TUSC3: variants seen among roughly 807,000 people sequenced by gnomAD.
The protein encoded by TUSC3 is dolichyl-diphosphooligosaccharide--protein glycosyltransferase subunit TUSC3.
TUSC3 carries 45 observed loss-of-function variants against 44.8 expected under a neutral mutation model. That is an observed-to-expected ratio of 1.00 (90% CI 0.79 to 1.29). The LOEUF is 1.29. TUSC3 is among the 50% of genes most tolerant of loss of function. The probability of loss-of-function intolerance (pLI) is 0.00; values close to 1 mark genes in which losing one functional copy is unlikely to be tolerated. For missense variants in TUSC3, 519 were observed against 437.9 expected (o/e 1.19, Z -1.65); for synonymous variants, 212 against 152.9 (o/e 1.39, Z -2.85).
intron 2 of TUSC3, among the ~76,000 whole-genome samples, chr8:15,505,322 T>C (rs1316024592): frequency 1.3e-5 from 2 of 152,254 alleles, no homozygotes; most frequent in African/African-American, 4.8e-5. Context: ...AATGCTGTTC[T>C]GATGGCCAGA....
At chr8:15,613,142 A>G (rs536449050) in intron 1 of TUSC3, among the ~76,000 whole-genome samples, 1 of 149,666 alleles carries the variant, frequency 6.7e-6, no homozygotes, top group East Asian at 2.0e-4. Context: ...TTAGTGCTAG[A>G]GTTTATTTGC....
intron 1 of TUSC3, among the ~76,000 whole-genome samples, chr8:15,557,750 T>G (rs1802318584): frequency 7.2e-6 from 1 of 139,286 alleles, no homozygotes; most frequent in Non-Finnish European, 1.6e-5. Context: ...CTAGATATTT[T>G]CTTCTCTTTG....
chr8:15,717,480 G>T (rs1810101007), intron 6 of TUSC3, among the ~76,000 whole-genome samples: 1 of 152,042 alleles, frequency 6.6e-6, no homozygotes, highest in African/African-American at 2.4e-5. Flanking sequence ...TCTATCTCCA[G>T]ACTCCTTCCC....
At chr8:15,710,214 C>G (rs1809787213) in intron 6 of TUSC3, among the ~76,000 whole-genome samples, 1 of 151,830 alleles carries the variant, frequency 6.6e-6, no homozygotes, top group African/African-American at 2.4e-5. Flanking sequence ...GTCTGTTTCT[C>G]CACCCTTCCT....
At chr8:15,823,806 C>G in the TUSC3 span, among the ~76,000 whole-genome samples, 1 of 91,900 alleles carries the variant, frequency 1.1e-5, no homozygotes, top group Non-Finnish European at 3.1e-5. Context: ...AGTGAGTTAA[C>G]GATAACACCT....
chr8:15,753,128 T>TAATG (rs1327821117), intron 9 of TUSC3, among the ~76,000 whole-genome samples: 1 of 152,082 alleles, frequency 6.6e-6, no homozygotes, highest in Admixed American at 6.6e-5. Flanking sequence ...TCTAATCCTA[T>TAATG]AATGTTCTCT....
intron 6 of TUSC3, among the ~76,000 whole-genome samples, chr8:15,712,995 C>T (rs574543222): frequency 6.6e-6 from 1 of 152,164 alleles, no homozygotes; most frequent in East Asian, 1.9e-4. Context: ...GTTGGATGTC[C>T]ACAGCATTTA....
At chr8:15,726,479 TTTTTA>T (rs1810501650) in intron 6 of TUSC3, among the ~76,000 whole-genome samples, 1 of 152,184 alleles carries the variant, frequency 6.6e-6, no homozygotes, top group Non-Finnish European at 1.5e-5. Context: ...ATTGAATCAC[TTTTTA>T]TTTTATGTTG....
intron 2 of TUSC3, among the ~76,000 whole-genome samples, chr8:15,530,499 TAAAG>T (rs1017491458): frequency 1.6e-4 from 25 of 152,146 alleles, no homozygotes; most frequent in African/African-American, 5.8e-4. Flanking sequence ...ATTTTACAAA[TAAAG>T]AAACTGAGCA....
chr8:15,833,427 T>A, the TUSC3 span, among the ~76,000 whole-genome samples: 1 of 152,186 alleles, frequency 6.6e-6, no homozygotes, highest in Non-Finnish European at 1.5e-5. Context: ...ATTCCAGCAC[T>A]ATTCACATTA....
chr8:15,555,276 A>T (rs1181689951), intron 1 of TUSC3, among the ~76,000 whole-genome samples: 2 of 44,894 alleles, frequency 4.5e-5, no homozygotes, highest in Admixed American at 3.0e-4. Flanking sequence ...TGCCAGGCTA[A>T]TTTTTTTTTT....
At chr8:15,653,255 A>G (rs1373026596) in intron 3 of TUSC3, among the ~76,000 whole-genome samples, 2 of 152,190 alleles carry the variant, frequency 1.3e-5, no homozygotes, top group Admixed American at 6.5e-5. Flanking sequence ...GCAGCTCAGC[A>G]TCAGCTCTGT....
At chr8:15,699,636 G>C (rs1809312554) in intron 6 of TUSC3, among the ~76,000 whole-genome samples, 1 of 152,172 alleles carries the variant, frequency 6.6e-6, no homozygotes, top group Non-Finnish European at 1.5e-5. Flanking sequence ...GATAGCACAT[G>C]ACATTTTCCC....
At chr8:15,661,784 T>C (rs2129179880) in intron 4 of TUSC3, among the ~76,000 whole-genome samples, 2 of 129,198 alleles carry the variant, frequency 1.5e-5, no homozygotes, top group East Asian at 4.4e-4. Flanking sequence ...TTCTATAAGA[T>C]ACTTACAGCT....
chr8:15,500,256 G>C (rs1356955572), intron 2 of TUSC3, among the ~76,000 whole-genome samples: 2 of 152,156 alleles, frequency 1.3e-5, no homozygotes, highest in Non-Finnish European at 2.9e-5. Context: ...CAAGAATCTT[G>C]ACAGAAGTTA....
intron 1 of TUSC3, among the ~76,000 whole-genome samples, chr8:15,432,027 T>C (rs903865156): frequency 2.0e-5 from 3 of 151,792 alleles, no homozygotes; most frequent in African/African-American, 7.2e-5. Flanking sequence ...TTTGCTAGTG[T>C]TGAGGATTTT....
In TUSC3 at chr8:15,519,569, A is replaced by G. The variant is rs538800481; in HGVS notation, n.189+36086A>G. On this transcript the variant is annotated intron_variant and non_coding_transcript_variant, in intron 2 of 5. Transcript: ENST00000503191. The stretch of plus-strand genomic sequence containing the variant: ...AGATTCTCATAGGAGCAAGAATCCT[A>G]TTGTGAACTGTGCACCTGAGGGATC... 2.0e-5 allele frequency among the ~76,000 whole-genome samples: 3 copies of G among 152,184 alleles called. No homozygotes were observed. The East Asian group carries it at 5.8e-4, about 30-fold the overall frequency.
intron 6 of TUSC3, among the ~76,000 whole-genome samples, chr8:15,722,548 C>CT (rs1810340516): frequency 6.6e-6 from 1 of 152,032 alleles, no homozygotes; most frequent in Non-Finnish European, 1.5e-5. Context: ...TCTAGAGACT[C>CT]TCTGAGAATA....
chr8:15,577,623 T>C (rs2129145400), intron 1 of TUSC3, among the ~76,000 whole-genome samples: 1 of 148,160 alleles, frequency 6.7e-6, no homozygotes, highest in East Asian at 2.0e-4. Context: ...CAGATAGTTG[T>C]AGATATGCGG....
Sources: gnomAD v4.1 joint callset for allele counts (sites outside exome capture counted in the v4.1 genomes callset) on GRCh38, gnomAD v4.1.1 for gene constraint, MANE v1.5 for transcripts, NCBI Gene and HGNC (gene_info 2026-07-23, HGNC 2026-07-21) for gene names.